Variants in ZNF438 observed in about 807,000 individuals in gnomAD.
ZNF438 encodes zinc finger protein 438.
In ZNF438, 25 loss-of-function variants were observed where a neutral mutation model predicts 38.0. The ratio of observed to expected loss-of-function variants is 0.66; its 90% CI spans 0.48 to 0.92. The LOEUF (loss-of-function observed/expected upper bound fraction) is 0.92. ZNF438 is among the 40% of genes least tolerant of loss of function. ZNF438 has a pLI of 0.00. For synonymous variants in ZNF438, 372 were observed against 364.1 expected, an observed-to-expected ratio of 1.02 and a Z score of -0.25; for missense variants, 1,007 against 999.6, an observed-to-expected ratio of 1.01 and a Z score of -0.10.
intron 2 of ZNF438, among the ~76,000 whole-genome samples, chr10:30,915,564 C>T (rs2043533303): frequency 1.3e-5 from 2 of 151,730 alleles, no homozygotes; most frequent in South Asian, 4.1e-4. Context: ...TAGGAAGCCA[C>T]AGTGTCCAAC....
intron 4 of ZNF438, among the ~76,000 whole-genome samples, chr10:30,869,886 A>C (rs2037111632): frequency 6.6e-6 from 1 of 152,230 alleles, no homozygotes; most frequent in Admixed American, 6.5e-5. Flanking sequence ...TCATAAAGCA[A>C]TGTTAAGCAC....
chr10:31,024,041 C>T (rs1252489646), intron 1 of ZNF438, among the ~76,000 whole-genome samples: 1 of 152,208 alleles, frequency 6.6e-6, no homozygotes, highest in Non-Finnish European at 1.5e-5. Flanking sequence ...CTTACAAACA[C>T]TGAATTACCA....
At chr10:30,970,811 A>G (rs1318824012) in intron 1 of ZNF438, among the ~76,000 whole-genome samples, 1 of 152,216 alleles carries the variant, frequency 6.6e-6, no homozygotes, top group Non-Finnish European at 1.5e-5. Flanking sequence ...CAAAATGGAC[A>G]TCATCACAGG....
chr10:30,999,995 A>G (rs1478059626), intron 1 of ZNF438, among the ~76,000 whole-genome samples: 1 of 152,230 alleles, frequency 6.6e-6, no homozygotes, highest in Non-Finnish European at 1.5e-5. Flanking sequence ...AGGAATAGGT[A>G]TATTTTCTAA....
At chr10:30,999,161 A>G (rs1477019785) in intron 1 of ZNF438, among the ~76,000 whole-genome samples, 1 of 152,248 alleles carries the variant, frequency 6.6e-6, no homozygotes, top group Non-Finnish European at 1.5e-5. Flanking sequence ...TTTTTCCTAT[A>G]GAAACAACAT....
intron 3 of ZNF438, among the ~76,000 whole-genome samples, chr10:30,877,293 A>C (rs1171962319): frequency 6.6e-6 from 1 of 152,212 alleles, no homozygotes. Context: ...AGATGCAATG[A>C]CACATCAGGG....
At chr10:31,009,031 G>C (rs945643828) in intron 1 of ZNF438, among the ~76,000 whole-genome samples, 1 of 152,122 alleles carries the variant, frequency 6.6e-6, no homozygotes, top group African/African-American at 2.4e-5. Flanking sequence ...ATCTTTTCGT[G>C]TGCTTATCAG....
chr10:30,990,212 C>T (rs1005574976), intron 1 of ZNF438, among the ~76,000 whole-genome samples: 2 of 151,982 alleles, frequency 1.3e-5, no homozygotes, highest in Admixed American at 1.3e-4. Context: ...ATTTATGTTA[C>T]CTGTCTTTTG....
chr10:30,934,390 C>CT (rs2046014024), intron 2 of ZNF438, among the ~76,000 whole-genome samples: 1 of 152,162 alleles, frequency 6.6e-6, no homozygotes, highest in African/African-American at 2.4e-5. Flanking sequence ...TTGTGTAAGG[C>CT]TAGGAAAATG....
At chr10:30,985,164 C>T (rs374325294) in intron 1 of ZNF438, among the ~76,000 whole-genome samples, 6 of 152,172 alleles carry the variant, frequency 3.9e-5, no homozygotes, top group African/African-American at 1.4e-4. Context: ...AGACAGCACC[C>T]AGGCACCATG....
At chr10:30,857,948 C>G (rs941027664) in intron 4 of ZNF438, among the ~76,000 whole-genome samples, 2 of 152,236 alleles carry the variant, frequency 1.3e-5, no homozygotes, top group Non-Finnish European at 2.9e-5. Context: ...CTACAAACAG[C>G]TCACTTCCTG....
intron 1 of ZNF438, among the ~76,000 whole-genome samples, chr10:30,967,246 G>A (rs888570491): frequency 1.3e-5 from 2 of 152,182 alleles, no homozygotes; most frequent in Non-Finnish European, 2.9e-5. Context: ...ACTTTAAATT[G>A]TGGGGAAAAG....
At chr10:31,003,909 G>T (rs74908382) in intron 1 of ZNF438, among the ~76,000 whole-genome samples, 9 of 152,124 alleles carry the variant, frequency 5.9e-5, no homozygotes, top group African/African-American at 1.9e-4. Context: ...CTGAAAATCT[G>T]GGGGGAGAGC....
Position 31,026,621 on chromosome 10 carries a change from G to C in ZNF438, c.-192+5212C>G, listed in dbSNP as rs529498756. 3.9e-5 allele frequency among the ~76,000 whole-genome samples: 6 copies of C among 152,260 alleles called. No individual in the cohort carries two copies. The East Asian group carries it at 9.6e-4, about 24-fold the overall frequency. On this transcript the variant is annotated intron_variant, in intron 1 of 5. Coordinates refer to ENST00000413025, the Ensembl canonical transcript of ZNF438. The stretch of plus-strand genomic sequence containing the variant: ...TGCTGGAGAGGATGTGGAGAAATAG[G>C]AACACTTTTACATTGTTGGTGGGAC...
At chr10:30,849,725 T>C (rs2033174016) in exon 5 of ZNF438, 1 of 1,614,076 alleles carries the variant, frequency 6.2e-7, no homozygotes, top group African/African-American at 1.3e-5. Flanking sequence ...CTTGGCAGGC[T>C]CCTCTGGTGT....
At chr10:30,875,453 GT>G in intron 4 of ZNF438, 1 of 981,394 alleles carries the variant, frequency 1.0e-6, no homozygotes, top group Non-Finnish European at 1.2e-6. Context: ...ATGGAATGGA[GT>G]CCAGCTTTCC....
chr10:30,991,988 G>C (rs1345971646), intron 1 of ZNF438, among the ~76,000 whole-genome samples: 1 of 152,166 alleles, frequency 6.6e-6, no homozygotes, highest in Non-Finnish European at 1.5e-5. Context: ...AAGTATCCCT[G>C]GCAGTTTACT....
At chr10:30,981,348 C>T (rs1473559550) in intron 1 of ZNF438, among the ~76,000 whole-genome samples, 1 of 152,126 alleles carries the variant, frequency 6.6e-6, no homozygotes, top group African/African-American at 2.4e-5. Flanking sequence ...CTGAAATAAT[C>T]CGAAGTTTAC....
At chr10:30,904,290 A>G (rs2134364200) in intron 3 of ZNF438, among the ~76,000 whole-genome samples, 1 of 152,310 alleles carries the variant, frequency 6.6e-6, no homozygotes, top group Admixed American at 6.5e-5. Context: ...ACAGCCCTCC[A>G]ACTCATTCAC....
Sources: allele counts gnomAD v4.1 joint callset (sites outside exome capture counted in the v4.1 genomes callset), GRCh38; gene constraint gnomAD v4.1.1; transcripts MANE v1.5; gene names NCBI Gene and HGNC (gene_info 2026-07-23, HGNC 2026-07-21).